Variants in GLP2R observed in about 807,000 individuals in gnomAD.
GLP2R encodes glucagon-like peptide 2 receptor.
Under a neutral mutation model 68.2 loss-of-function variants are expected in GLP2R, and 59 were observed. The observed-to-expected ratio is 0.87, with a 90% CI of 0.70 to 1.07. The LOEUF (loss-of-function observed/expected upper bound fraction) is 1.07, where lower values mean the gene tolerates loss of function less well. Ranked by LOEUF, GLP2R falls within the 50% of genes least tolerant of loss-of-function variation. The probability of loss-of-function intolerance (pLI) is 0.00; values close to 1 mark genes in which losing one functional copy is unlikely to be tolerated. For synonymous variants in GLP2R, 270 were observed against 265.4 expected (o/e 1.02, Z -0.17); for missense variants, 548 against 677.4 (o/e 0.81, Z 2.12).
intron 10 of GLP2R, among the ~76,000 whole-genome samples, chr17:9,878,016 A>G (rs778873167): frequency 5.9e-5 from 9 of 152,204 alleles, no homozygotes; most frequent in Non-Finnish European, 8.8e-5. Context: ...ACACCATAAC[A>G]TGGCATCAGA....
In GLP2R at chr17:9,861,143, C is replaced by T. The variant is rs774906296; in HGVS notation, c.930C>T (p.Phe310=). 1 of 1,613,624 alleles carries T rather than the reference C, an allele frequency of 6.2e-7. No homozygotes were observed. Among genetic ancestry groups the T allele is most frequent in the East Asian group, 2.2e-5 (1 of 44,872 alleles). Residue 310 remains phenylalanine, a synonymous_variant, in exon 8 of 13, where the codon TTC becomes TTT. Coordinates refer to ENST00000262441, the MANE Select transcript of GLP2R (RefSeq NM_004246.3). Reference sequence around the variant, plus strand: ...TTCCCTGTGTTTTCTCCCCAGCCTTCCCTGTGCTATTTGTTGTACCCTGGG... The same window carrying T: ...TTCCCTGTGTTTTCTCCCCAGCCTTTCCTGTGCTATTTGTTGTACCCTGGG... ...WPRYLLLGWA[F]PVLFVVPWGF...
intron 1 of GLP2R, among the ~76,000 whole-genome samples, chr17:9,832,786 C>T (rs1409975718): frequency 2.6e-5 from 4 of 152,052 alleles, no homozygotes; most frequent in Admixed American, 6.6e-5. Context: ...GGTACAGGTA[C>T]ACAACTAGAA....
At chr17:9,873,562 T>TTTTTTTTTTTTTTTTTTTTTTTTG (rs2067116526) in intron 10 of GLP2R, among the ~76,000 whole-genome samples, 1 of 140,246 alleles carries the variant, frequency 7.1e-6, no homozygotes, top group African/African-American at 2.7e-5. Flanking sequence ...TGGACTTTTT[T>TTTTTTTTTTTTTTTTTTTTTTTTG]TTTTTTTTTT....
At chr17:9,846,037 T>G (rs1567722620) in intron 4 of GLP2R, among the ~76,000 whole-genome samples, 1 of 152,192 alleles carries the variant, frequency 6.6e-6, no homozygotes, top group African/African-American at 2.4e-5. Flanking sequence ...CTTTCTTATT[T>G]TAAAATAATT....
At chr17:9,830,974 T>C (rs2066674645) in intron 1 of GLP2R, among the ~76,000 whole-genome samples, 1 of 152,232 alleles carries the variant, frequency 6.6e-6, no homozygotes, top group Non-Finnish European at 1.5e-5. Flanking sequence ...CTTACTTACT[T>C]AATAAGTGGG....
At chr17:9,875,710 A>T (rs2067136909) in intron 10 of GLP2R, among the ~76,000 whole-genome samples, 1 of 152,188 alleles carries the variant, frequency 6.6e-6, no homozygotes, top group South Asian at 2.1e-4. Flanking sequence ...GCAATGCCCT[A>T]GGAATGCGGA....
chr17:9,888,859 A>G (rs1331668483), intron 12 of GLP2R, among the ~76,000 whole-genome samples: 1 of 152,250 alleles, frequency 6.6e-6, no homozygotes. Flanking sequence ...GGCAGAGGCC[A>G]GAACAGGTGT....
intron 3 of GLP2R, among the ~76,000 whole-genome samples, chr17:9,840,208 C>T (rs1419476393): frequency 1.3e-5 from 2 of 152,214 alleles, no homozygotes; most frequent in African/African-American, 4.8e-5. Context: ...AACTTCTGAC[C>T]TCGTGAACCT....
intron 4 of GLP2R, chr17:9,853,132 CA>C (rs1459375214): frequency 2.0e-6 from 1 of 505,172 alleles, no homozygotes; most frequent in African/African-American, 2.0e-5. Context: ...TCTGCGTCAA[CA>C]ATGTGCAATC....
chr17:9,859,854 A>C, intron 6 of GLP2R, 88 bp from the exon 7 acceptor site: 11 of 284,126 alleles, frequency 3.9e-5, no homozygotes, highest in Non-Finnish European at 4.1e-5. Context: ...AAAGAGGGAG[A>C]GGTTGTCTCT....
chr17:9,886,645 C>T (rs1230645750), intron 11 of GLP2R, among the ~76,000 whole-genome samples: 4 of 152,254 alleles, frequency 2.6e-5, no homozygotes, highest in South Asian at 2.1e-4. Context: ...TATCTAGGTG[C>T]ATAAGAGAAG....
intron 3 of GLP2R, among the ~76,000 whole-genome samples, chr17:9,841,117 A>G (rs988991283): frequency 7.9e-5 from 12 of 151,436 alleles, no homozygotes; most frequent in African/African-American, 2.9e-4. Flanking sequence ...CCCAGGTTCA[A>G]GCAATTCTCC....
At chr17:9,863,775 T>G (rs1055460335) in intron 9 of GLP2R, among the ~76,000 whole-genome samples, 1 of 152,198 alleles carries the variant, frequency 6.6e-6, no homozygotes, top group Non-Finnish European at 1.5e-5. Context: ...TGTGCAGGCT[T>G]CTGCTCCAGC....
chr17:9,871,745 A>G (rs1336057274), intron 10 of GLP2R, among the ~76,000 whole-genome samples: 2 of 45,690 alleles, frequency 4.4e-5, no homozygotes, highest in Non-Finnish European at 8.7e-5. Context: ...TTTTTTTTTG[A>G]CAGAGTCTTG....
chr17:9,866,056 G>C, intron 9 of GLP2R: 1 of 253,398 alleles, frequency 3.9e-6, no homozygotes, highest in Non-Finnish European at 7.7e-6. Flanking sequence ...CTAGGACTCT[G>C]TGCATTGGTT....
At chr17:9,838,743 A>G (rs140872851) in intron 3 of GLP2R, among the ~76,000 whole-genome samples, 4 of 152,198 alleles carry the variant, frequency 2.6e-5, no homozygotes, top group East Asian at 1.9e-4. Flanking sequence ...TTAGAATCCA[A>G]ATGGATCCCT....
chr17:9,842,895 C>T (rs1209626924), intron 4 of GLP2R, among the ~76,000 whole-genome samples: 2 of 152,186 alleles, frequency 1.3e-5, no homozygotes, highest in Non-Finnish European at 2.9e-5. Flanking sequence ...GCACCTGTCC[C>T]AGCTCCCCTG....
chr17:9,831,783 G>A (rs1449366072), intron 1 of GLP2R, among the ~76,000 whole-genome samples: 2 of 152,168 alleles, frequency 1.3e-5, no homozygotes, highest in African/African-American at 4.8e-5. Context: ...GTGGATGGTG[G>A]CACCAGGCCA....
chr17:9,859,618 C>T (rs2066965960), intron 6 of GLP2R, among the ~76,000 whole-genome samples: 1 of 134,922 alleles, frequency 7.4e-6, no homozygotes. Flanking sequence ...TGGTGAAACC[C>T]TGTGTCTACT....
Sources: gnomAD v4.1 joint callset for allele counts (sites outside exome capture counted in the v4.1 genomes callset) on GRCh38, gnomAD v4.1.1 for gene constraint, MANE v1.5 for transcripts, NCBI Gene and HGNC (gene_info 2026-07-23, HGNC 2026-07-21) for gene names.